Variants in POU2F1 observed in about 807,000 individuals in gnomAD.
The protein encoded by POU2F1 is POU domain, class 2, transcription factor 1.
POU2F1 carries 16 observed loss-of-function variants against 84.9 expected under a neutral mutation model. The observed-to-expected ratio is 0.19, with a 90% CI of 0.13 to 0.29. The LOEUF is 0.29. POU2F1 is among the 10% of genes least tolerant of loss of function. The pLI is 1.00. For missense variants in POU2F1, 738 were observed against 942.6 expected, an observed-to-expected ratio of 0.78 and a Z score of 2.84; for synonymous variants, 368 against 368.3, an observed-to-expected ratio of 1.00 and a Z score of 0.01.
chr1:167,397,685 A>T (rs1648905946), intron 10 of POU2F1, among the ~76,000 whole-genome samples: 2 of 152,140 alleles, frequency 1.3e-5, no homozygotes, highest in African/African-American at 4.8e-5. Flanking sequence ...AACTGGGACC[A>T]CAGGCGCACG....
intron 1 of POU2F1, among the ~76,000 whole-genome samples, chr1:167,274,723 G>C (rs561598733): frequency 2.0e-5 from 3 of 152,118 alleles, no homozygotes; most frequent in African/African-American, 7.2e-5. Flanking sequence ...AGTTAAAATA[G>C]TTTGGTTGTC....
In POU2F1 at chr1:167,281,403, C is replaced by T. The variant is rs1247071214; in HGVS notation, c.62-51067C>T. Among the ~76,000 whole-genome samples the T allele has an allele frequency of 2.6e-5, 4 of 152,274 alleles. No homozygotes were observed. The Middle Eastern group carries it at 0.01, about 388-fold the overall frequency. On this transcript the variant is annotated intron_variant, in intron 1 of 15. Coordinates refer to ENST00000367866, the MANE Select transcript of POU2F1 (RefSeq NM_002697.4). ...GAAGAAGGTAGTGATAAAAGAAAAA[C>T]CTCGGCTGAATTAAATTTAAAAGAA...
At chr1:167,229,592 A>C (rs1313263712) in intron 1 of POU2F1, among the ~76,000 whole-genome samples, 1 of 152,208 alleles carries the variant, frequency 6.6e-6, no homozygotes, top group Non-Finnish European at 1.5e-5. Flanking sequence ...TACGATGGTG[A>C]TAATACCAGT....
chr1:167,414,574 A>G, intron 15 of POU2F1: 1 of 985,434 alleles, frequency 1.0e-6, no homozygotes, highest in African/African-American at 1.7e-5. Flanking sequence ...ACAGGTTGAG[A>G]TACTAAATGA....
intron 1 of POU2F1, among the ~76,000 whole-genome samples, chr1:167,222,631 G>C (rs1377170651): frequency 6.6e-6 from 1 of 152,060 alleles, no homozygotes; most frequent in African/African-American, 2.4e-5. Flanking sequence ...TAACCAAAAT[G>C]ACTACCTCCA....
chr1:167,262,794 G>A (rs1034366078), intron 1 of POU2F1, among the ~76,000 whole-genome samples: 3 of 152,090 alleles, frequency 2.0e-5, no homozygotes, highest in African/African-American at 7.2e-5. Context: ...TGGAGGGTGG[G>A]GTTGCATTTA....
intron 1 of POU2F1, among the ~76,000 whole-genome samples, chr1:167,318,737 A>T (rs77887661): frequency 0.036 from 5,451 of 152,240 alleles, 188 homozygotes; most frequent in African/African-American, 0.091. Context: ...TCCTAAACAA[A>T]TATTCATAAC....
chr1:167,262,461 G>GA (rs757530698), intron 1 of POU2F1, among the ~76,000 whole-genome samples: 5 of 152,164 alleles, frequency 3.3e-5, no homozygotes, highest in Non-Finnish European at 7.4e-5. Flanking sequence ...CGAATTGCGG[G>GA]AAACACAAGA....
Position 167,416,195 on chromosome 1 carries a change from C to T in POU2F1, c.*385C>T. 1 of 324,998 alleles carries T rather than the reference C, an allele frequency of 3.1e-6. No homozygotes were observed. 20.1% of individuals were successfully genotyped at this position (324,998 alleles called of 1,614,324 possible). A position where few individuals can be genotyped will look rare whatever the true frequency, so the allele number is the denominator to read the frequency against. ...ATGATGACAAGTTAAGGTGGGTTAC[C>T]AATTCCAATATAGGAAGGGGATTTC... On this transcript the variant is annotated 3_prime_UTR_variant, in exon 16 of 16. Coordinates refer to ENST00000367866, the MANE Select transcript of POU2F1 (RefSeq NM_002697.4).
At chr1:167,294,702 A>G (rs1172948154) in intron 1 of POU2F1, among the ~76,000 whole-genome samples, 2 of 152,240 alleles carry the variant, frequency 1.3e-5, no homozygotes, top group Non-Finnish European at 2.9e-5. Context: ...GGAAATGCAA[A>G]TTAAAACCAC....
chr1:167,321,598 C>T lies in POU2F1; in HGVS notation c.62-10872C>T, dbSNP rs142916115. Among the ~76,000 whole-genome samples the T allele has an allele frequency of 1.3e-4, 20 of 152,314 alleles. No individual in the cohort carries two copies. In the East Asian group the frequency reaches 3.5e-3, roughly 26 times the overall value. On this transcript the variant is annotated intron_variant, in intron 1 of 15. Transcript: ENST00000367866. ...TGTCCTTTTTCTAATTGTTCAGTTA[C>T]TAAGTCCTCTAAAGCCTCCAGTTTC...
At chr1:167,333,324 C>T (rs1657206664) in intron 2 of POU2F1, among the ~76,000 whole-genome samples, 1 of 152,032 alleles carries the variant, frequency 6.6e-6, no homozygotes, top group Non-Finnish European at 1.5e-5. Flanking sequence ...ACAGGGACTT[C>T]CCTGGTTTCT....
At chr1:167,340,565 G>A (rs541156541) in intron 2 of POU2F1, among the ~76,000 whole-genome samples, 6 of 151,248 alleles carry the variant, frequency 4.0e-5, no homozygotes, top group Admixed American at 6.6e-5. Flanking sequence ...TCAAGTAGCC[G>A]GGATTACAGG....
At chr1:167,312,630 A>C (rs1437392176) in intron 1 of POU2F1, among the ~76,000 whole-genome samples, 1 of 152,164 alleles carries the variant, frequency 6.6e-6, no homozygotes, top group African/African-American at 2.4e-5. Flanking sequence ...TATTTTTATA[A>C]ATTGAGTGTA....
intron 10 of POU2F1, chr1:167,396,696 C>T (rs1354694248): frequency 8.9e-6 from 3 of 338,092 alleles, no homozygotes. Flanking sequence ...AACACACACA[C>T]ACACACACAC....
intron 1 of POU2F1, among the ~76,000 whole-genome samples, chr1:167,311,055 G>A (rs1265111161): frequency 6.6e-6 from 1 of 152,104 alleles, no homozygotes; most frequent in Non-Finnish European, 1.5e-5. Flanking sequence ...GGGTAGGGCT[G>A]AAAAGTACTT....
At chr1:167,249,809 G>C (rs1286263041) in intron 1 of POU2F1, among the ~76,000 whole-genome samples, 1 of 152,196 alleles carries the variant, frequency 6.6e-6, no homozygotes, top group Non-Finnish European at 1.5e-5. Flanking sequence ...TGACTGAAGT[G>C]ACAGTCGTGA....
rs996188205 is a variant in POU2F1 at position 167,376,017 on chromosome 1, C to A, written c.592-12C>A. 9 of 1,613,616 alleles carry A rather than the reference C, an allele frequency of 5.6e-6. No individual in the cohort carries two copies. Among genetic ancestry groups the A allele is most frequent in the Non-Finnish European group, 7.6e-6 (9 of 1,179,792 alleles). ...AGAATCTCCAATCCATGTTTTAATT[C>A]CAATTTTTCAGGATCTTCAACAACT... is the stretch of plus-strand genomic sequence containing the variant. On this transcript the variant is annotated splice_polypyrimidine_tract_variant and intron_variant, in intron 6 of 15. Coordinates refer to ENST00000367866, the MANE Select transcript of POU2F1 (RefSeq NM_002697.4).
chr1:167,270,192 T>C (rs760257807), intron 1 of POU2F1, among the ~76,000 whole-genome samples: 2 of 152,120 alleles, frequency 1.3e-5, no homozygotes, highest in South Asian at 2.1e-4. Flanking sequence ...CCTATTTTTT[T>C]CCCCATATGT....
Sources: gnomAD v4.1 joint callset for allele counts (sites outside exome capture counted in the v4.1 genomes callset) on GRCh38, gnomAD v4.1.1 for gene constraint, MANE v1.5 for transcripts, NCBI Gene and HGNC (gene_info 2026-07-23, HGNC 2026-07-21) for gene names.